The following DYNC1I1 variants were observed in gnomAD, a reference collection of about 807,000 sequenced individuals.
DYNC1I1 encodes cytoplasmic dynein 1 intermediate chain 1.
In DYNC1I1, 43 loss-of-function variants were observed where a neutral mutation model predicts 86.6. The ratio of observed to expected loss-of-function variants is 0.50; its 90% CI spans 0.39 to 0.64. The LOEUF (loss-of-function observed/expected upper bound fraction) is 0.64, where lower values mean the gene tolerates loss of function less well. Among genes scored for constraint, DYNC1I1 ranks in the 30% least tolerant of loss-of-function variants. The probability of loss-of-function intolerance (pLI) is 0.00; values close to 1 mark genes in which losing one functional copy is unlikely to be tolerated. For missense variants in DYNC1I1, 604 were observed against 788.8 expected (o/e 0.77, Z 2.81); for synonymous variants, 262 against 283.7 (o/e 0.92, Z 0.77).
chr7:95,942,259 C>A (rs1304870886), intron 6 of DYNC1I1, among the ~76,000 whole-genome samples: 1 of 152,072 alleles, frequency 6.6e-6, no homozygotes. Context: ...CGCAAATAAA[C>A]TAGAAAATCT....
intron 6 of DYNC1I1, among the ~76,000 whole-genome samples, chr7:95,909,999 G>T (rs1435858171): frequency 6.6e-6 from 1 of 152,166 alleles, no homozygotes; most frequent in Non-Finnish European, 1.5e-5. Flanking sequence ...CAGAAGACTG[G>T]CTGCAGAGCT....
intron 6 of DYNC1I1, among the ~76,000 whole-genome samples, chr7:95,897,574 G>A (rs776126608): frequency 2.0e-5 from 3 of 152,106 alleles, no homozygotes; most frequent in Non-Finnish European, 2.9e-5. Flanking sequence ...CCTTTGTCAT[G>A]AAGTGGAATG....
chr7:96,051,271 T>C (rs1246683155), intron 14 of DYNC1I1, among the ~76,000 whole-genome samples: 1 of 152,232 alleles, frequency 6.6e-6, no homozygotes, highest in East Asian at 1.9e-4. Flanking sequence ...TGTTCATGTA[T>C]TTGCCAGGTC....
intron 6 of DYNC1I1, among the ~76,000 whole-genome samples, chr7:95,972,268 G>T (rs545073484): frequency 1.3e-5 from 2 of 152,272 alleles, no homozygotes; most frequent in Admixed American, 1.3e-4. Flanking sequence ...TTGAAAAAGC[G>T]TGGGGACCGA....
intron 5 of DYNC1I1, among the ~76,000 whole-genome samples, chr7:95,866,820 C>T (rs1009912444): frequency 2.0e-5 from 3 of 152,216 alleles, no homozygotes; most frequent in Non-Finnish European, 4.4e-5. Flanking sequence ...AGAAGAACCA[C>T]AAGCTTATCA....
chr7:96,033,738 G>A (rs888010215), intron 12 of DYNC1I1, among the ~76,000 whole-genome samples: 14 of 152,096 alleles, frequency 9.2e-5, no homozygotes, highest in African/African-American at 2.9e-4. Context: ...GACAGGGCAC[G>A]GTGGCTCACA....
chr7:95,905,393 C>T (rs1309852039), intron 6 of DYNC1I1, among the ~76,000 whole-genome samples: 1 of 152,130 alleles, frequency 6.6e-6, no homozygotes, highest in Non-Finnish European at 1.5e-5. Context: ...ATACAAAACT[C>T]GAGTGCTGAC....
At chr7:95,788,466 A>G (rs1304013300) in intron 1 of DYNC1I1, among the ~76,000 whole-genome samples, 1 of 152,214 alleles carries the variant, frequency 6.6e-6, no homozygotes, top group Non-Finnish European at 1.5e-5. Flanking sequence ...CTGGATGCAC[A>G]TGAAGCCAGA....
chr7:95,927,048 C>T (rs1791764695), intron 6 of DYNC1I1, among the ~76,000 whole-genome samples: 1 of 152,020 alleles, frequency 6.6e-6, no homozygotes, highest in Non-Finnish European at 1.5e-5. Context: ...TTTTAACAAA[C>T]TGACCTCATG....
intron 10 of DYNC1I1, among the ~76,000 whole-genome samples, chr7:96,006,656 G>T (rs1794149812): frequency 6.6e-6 from 1 of 152,114 alleles, no homozygotes; most frequent in South Asian, 2.1e-4. Flanking sequence ...TCTCAAATCA[G>T]ATATGATTTA....
chr7:96,004,396 C>G (rs1023531865), intron 10 of DYNC1I1, among the ~76,000 whole-genome samples: 4 of 152,000 alleles, frequency 2.6e-5, no homozygotes, highest in Non-Finnish European at 5.9e-5. Flanking sequence ...TTTTTGTTCT[C>G]TAAAGCCATT....
At position 95,911,651 on chromosome 7, in the gene DYNC1I1, A is replaced by T. The variant is rs549274403; in HGVS notation, c.490+41653A>T. On this transcript the variant is annotated intron_variant, in intron 6 of 16. Transcript: ENST00000447467. ...CAGTGATTCTCAAATTTGAGCATGC[A>T]TCCCAATCACCTGGGGGGCTTGTTC... Among the ~76,000 whole-genome samples the T allele has an allele frequency of 5.3e-5, 8 of 152,262 alleles. No homozygotes were observed. In the East Asian group the frequency reaches 1.4e-3, roughly 26 times the overall value.
intron 10 of DYNC1I1, among the ~76,000 whole-genome samples, chr7:95,996,710 G>T (rs898017066): frequency 6.6e-6 from 1 of 152,192 alleles, no homozygotes; most frequent in Non-Finnish European, 1.5e-5. Flanking sequence ...CCTTGTACAC[G>T]TTCAGCATTG....
In DYNC1I1 at chr7:96,035,661, G is replaced by A. The variant is rs1189711732; in HGVS notation, c.1273G>A (p.Val425Ile). 5.6e-6 allele frequency: 9 copies of A among 1,611,574 alleles called. No individual in the cohort carries two copies. Among genetic ancestry groups the A allele is most frequent in the Non-Finnish European group, 7.6e-6 (9 of 1,178,890 alleles). The change falls in exon 13 of 17, where the codon GTT becomes ATT. Residue 425 changes from valine to isoleucine, a missense_variant. By Grantham distance (29) the Val-to-Ile change is conservative. Transcript: ENST00000447467. ...LVYNKSKPVAVTGMAFPTGDV... is the reference protein window; with the variant it reads ...LVYNKSKPVAITGMAFPTGDV... Reference sequence around the variant, plus strand: ...GTACAATAAGTCCAAGCCTGTCGCTGTTACCGGAATGGCTTTCCCAACGGG... The same window carrying A: ...GTACAATAAGTCCAAGCCTGTCGCTATTACCGGAATGGCTTTCCCAACGGG...
chr7:95,809,291 C>G (rs1794773908), intron 2 of DYNC1I1, among the ~76,000 whole-genome samples: 1 of 152,146 alleles, frequency 6.6e-6, no homozygotes, highest in African/African-American at 2.4e-5. Flanking sequence ...CTTATAGATA[C>G]TACAGTGTAG....
At chr7:95,956,902 T>C (rs1792731575) in intron 6 of DYNC1I1, among the ~76,000 whole-genome samples, 1 of 152,182 alleles carries the variant, frequency 6.6e-6, no homozygotes, top group Non-Finnish European at 1.5e-5. Context: ...GTTAAAAACA[T>C]AGTTAATAAT....
At chr7:96,005,047 T>G (rs1794108034) in intron 10 of DYNC1I1, among the ~76,000 whole-genome samples, 1 of 152,052 alleles carries the variant, frequency 6.6e-6, no homozygotes, top group African/African-American at 2.4e-5. Flanking sequence ...AAAAAGAGGA[T>G]TAAAATATAA....
chr7:95,778,309 G>A lies in DYNC1I1; in HGVS notation c.-10+5536G>A, dbSNP rs1358008758. On this transcript the variant is annotated intron_variant, in intron 1 of 16. Coordinates refer to ENST00000447467, the MANE Select transcript of DYNC1I1 (RefSeq NM_001135556.2). ...ACATACAGGCAAAAGCTGCGGATCT[G>A]GAAATTAATGCCATTAACTTTTCCC... is the stretch of plus-strand genomic sequence containing the variant. Among the ~76,000 whole-genome samples, 5 of 152,226 alleles carry A rather than the reference G, an allele frequency of 3.3e-5. No homozygotes were observed. In the East Asian group the frequency reaches 9.6e-4, roughly 29 times the overall value.
intron 5 of DYNC1I1, among the ~76,000 whole-genome samples, chr7:95,832,058 G>A (rs1475254356): frequency 2.7e-5 from 4 of 149,222 alleles, no homozygotes; most frequent in South Asian, 2.2e-4. Flanking sequence ...ATGCTGGTGC[G>A]CTGCACCCAC....
Sources: allele counts gnomAD v4.1 joint callset (sites outside exome capture counted in the v4.1 genomes callset), GRCh38; gene constraint gnomAD v4.1.1; transcripts MANE v1.5; gene names NCBI Gene and HGNC (gene_info 2026-07-23, HGNC 2026-07-21).